Variants in BTBD8 observed in about 807,000 individuals in gnomAD.
BTBD8 encodes the protein BTB domain containing 8, also known as BTB/POZ domain-containing protein 8.
In BTBD8, 110 loss-of-function variants were observed where a neutral mutation model predicts 162.9. The observed-to-expected ratio is 0.68, with a 90% CI of 0.58 to 0.79. BTBD8 has a LOEUF of 0.79. BTBD8 is among the 30% of genes least tolerant of loss of function. The pLI, the probability that BTBD8 is intolerant of heterozygous loss-of-function variation, is 0.00. For missense variants in BTBD8, 1,905 were observed against 2,085.4 expected (o/e 0.91, Z 1.68); for synonymous variants, 667 against 716.1 (o/e 0.93, Z 1.10).
chr1:92,139,376 T>C lies in BTBD8; in HGVS notation c.779T>C (p.Met260Thr), dbSNP rs1389938074. The change falls in exon 6 of 18, where the codon ATG becomes ACG. Residue 260 changes from methionine to threonine, a missense_variant. Physicochemically the swap from Met to Thr is moderately conservative, Grantham distance 81 (BLOSUM62 -1). Coordinates refer to ENST00000636805, the MANE Select transcript of BTBD8 (RefSeq NM_001376131.1). ...QGISHVELNVMMHFIYGGTLD... is the reference protein window; with the variant it reads ...QGISHVELNVTMHFIYGGTLD... ...ATAAGCCATGTAGAACTGAATGTTATGATGCATTTTATATATGGAGGAACT... is the reference window on the plus strand; with the variant it reads ...ATAAGCCATGTAGAACTGAATGTTACGATGCATTTTATATATGGAGGAACT... 3.8e-6 allele frequency: 6 copies of C among 1,592,756 alleles called. No homozygotes were observed. The highest frequency in any genetic ancestry group is 5.1e-6 in the Non-Finnish European group (6 of 1,174,114).
intron 5 of BTBD8, among the ~76,000 whole-genome samples, chr1:92,130,824 T>TC (rs1277115252): frequency 3.3e-5 from 5 of 152,160 alleles, no homozygotes; most frequent in Non-Finnish European, 2.9e-5. Flanking sequence ...TGCCTCAGCC[T>TC]CCTGAGTAGC....
At chr1:92,154,621 T>A (rs1650117893) in intron 9 of BTBD8, among the ~76,000 whole-genome samples, 1 of 152,238 alleles carries the variant, frequency 6.6e-6, no homozygotes, top group Admixed American at 6.5e-5. Context: ...AGCCAATTTT[T>A]AACAGTGTTA....
chr1:92,117,965 T>C (rs1649090506), intron 4 of BTBD8, among the ~76,000 whole-genome samples: 1 of 152,058 alleles, frequency 6.6e-6, no homozygotes. Flanking sequence ...TACTTATGGG[T>C]AGAAGCAGAA....
rs1401341623 is a variant in BTBD8 at position 92,121,581 on chromosome 1, TA to T, written c.663-8105del. On this transcript the variant is annotated intron_variant, in intron 4 of 17. Transcript: ENST00000636805. ...TTTTTTATAGTTAAGTATATTGAGT[TA>T]GAATGCATACACAAACAAATGCACA... Among the ~76,000 whole-genome samples, 11 of 152,316 alleles carry T rather than the reference TA, an allele frequency of 7.2e-5. No individual in the cohort carries two copies. In the South Asian group the frequency reaches 1.2e-3, roughly 17 times the overall value.
At chr1:92,151,000 G>T (rs1650030902) in intron 9 of BTBD8, 1 of 152,156 alleles carries the variant, frequency 6.6e-6, no homozygotes. Flanking sequence ...TAGAAGATAT[G>T]TCAAAATCTA....
intron 4 of BTBD8, chr1:92,126,162 C>A: frequency 2.0e-6 from 1 of 502,982 alleles, no homozygotes; most frequent in South Asian, 1.7e-5. Flanking sequence ...TGAAGATTGG[C>A]AGAAGATTGT....
chr1:92,180,943 C>T lies in BTBD8; in HGVS notation c.3260C>T (p.Thr1087Ile). Residue 1087 changes from threonine (T) to isoleucine (I), a missense_variant, in exon 17 of 18, where the codon ACC becomes ATC. This residue lies in a region of BTBD8 where 1,374 missense variants were observed against 1,442.7 expected (regional missense o/e 0.95). Transcript: ENST00000636805. ...AATGTAAATTCAAAATTTTATAGCA[C>T]CACAGCCCTAAAATACATGGTTTCA... ...SDNVNSKFYS[T>I]TALKYMVSNP... 1 of 1,551,478 alleles carries T rather than the reference C, an allele frequency of 6.4e-7. No individual in the cohort carries two copies. The highest frequency in any genetic ancestry group is 1.2e-5 in the South Asian group (1 of 84,054).
chr1:92,086,443 G>A (rs1255580180), intron 1 of BTBD8, among the ~76,000 whole-genome samples: 1 of 152,058 alleles, frequency 6.6e-6, no homozygotes, highest in Admixed American at 6.6e-5. Flanking sequence ...CCAGCCAGGG[G>A]AACATGGCAA....
intron 5 of BTBD8, among the ~76,000 whole-genome samples, chr1:92,132,875 GGT>G (rs1649545196): frequency 6.6e-6 from 1 of 152,116 alleles, no homozygotes; most frequent in Non-Finnish European, 1.5e-5. Context: ...GATAAAGCAA[GGT>G]TCTGTAACAC....
intron 1 of BTBD8, among the ~76,000 whole-genome samples, chr1:92,081,727 C>T (rs1648020896): frequency 6.6e-6 from 1 of 152,178 alleles, no homozygotes; most frequent in Non-Finnish European, 1.5e-5. Flanking sequence ...GCACGCGCCA[C>T]CACGCCCGGC....
intron 6 of BTBD8, chr1:92,139,681 A>G (rs1570740517): frequency 1.6e-6 from 1 of 642,988 alleles, no homozygotes; most frequent in Non-Finnish European, 2.1e-6. Flanking sequence ...GAAGCTATAA[A>G]TTATGGTTTA....
At chr1:92,084,746 G>A (rs1455440262) in intron 1 of BTBD8, among the ~76,000 whole-genome samples, 2 of 152,050 alleles carry the variant, frequency 1.3e-5, no homozygotes, top group African/African-American at 2.4e-5. Flanking sequence ...CTGGAGCCTG[G>A]TGCCTTCCCT....
Position 92,181,300 on chromosome 1 carries a change from T to C in BTBD8, c.3617T>C (p.Leu1206Pro). ...DVSSKCFSGQ[L>P]SEKNSPKNME... Reference sequence around the variant, plus strand: ...TCTTCCAAGTGTTTTTCGGGACAGCTATCAGAAAAAAATTCTCCTAAAAAT... The same window carrying C: ...TCTTCCAAGTGTTTTTCGGGACAGCCATCAGAAAAAAATTCTCCTAAAAAT... The change falls in exon 17 of 18, where the codon CTA becomes CCA. Residue 1206 changes from leucine to proline, a missense_variant. Coordinates refer to ENST00000636805, the MANE Select transcript of BTBD8 (RefSeq NM_001376131.1). 1 of 1,551,428 alleles carries C rather than the reference T, an allele frequency of 6.4e-7. No homozygotes were observed. The highest frequency in any genetic ancestry group is 8.7e-7 in the Non-Finnish European group (1 of 1,146,938).
At chr1:92,149,223 A>G (rs1400276111) in intron 9 of BTBD8, among the ~76,000 whole-genome samples, 1 of 152,202 alleles carries the variant, frequency 6.6e-6, no homozygotes, top group Non-Finnish European at 1.5e-5. Context: ...TTTTCCTCCT[A>G]CTGTCTCATT....
At chr1:92,161,565 A>T (rs1650274039) in intron 9 of BTBD8, among the ~76,000 whole-genome samples, 1 of 152,242 alleles carries the variant, frequency 6.6e-6, no homozygotes, top group Admixed American at 6.5e-5. Flanking sequence ...ATAGGATAGT[A>T]TTAGATAGTT....
intron 3 of BTBD8, among the ~76,000 whole-genome samples, chr1:92,105,275 T>TG: frequency 6.7e-6 from 1 of 150,318 alleles, no homozygotes; most frequent in African/African-American, 2.5e-5. Context: ...TTTAATGAGA[T>TG]GGGGTCTCAC....
At chr1:92,172,444 G>T (rs1387124280) in intron 13 of BTBD8, among the ~76,000 whole-genome samples, 1 of 151,932 alleles carries the variant, frequency 6.6e-6, no homozygotes, top group Non-Finnish European at 1.5e-5. Context: ...TTTGTGTGTT[G>T]TTTGTTTGTT....
chr1:92,139,512 G>A lies in BTBD8; in HGVS notation c.833+82G>A, dbSNP rs1234433943. ...AGCTGTGTTGCAAAGTGTTAATGAA[G>A]TAGAAACTTTGCTTTTTATAGTCTA... On this transcript the variant is annotated intron_variant, in intron 6 of 17. Coordinates refer to ENST00000636805, the MANE Select transcript of BTBD8 (RefSeq NM_001376131.1). 6 of 1,516,996 alleles carry A rather than the reference G, an allele frequency of 4.0e-6. No individual in the cohort carries two copies. The East Asian group carries it at 7.3e-5, about 19-fold the overall frequency. 94.0% of individuals were successfully genotyped at this position (1,516,996 alleles called of 1,614,324 possible).
At chr1:92,129,998 G>A (rs561826777) in intron 5 of BTBD8, among the ~76,000 whole-genome samples, 5 of 152,164 alleles carry the variant, frequency 3.3e-5, no homozygotes, top group African/African-American at 1.2e-4. Context: ...ATCCAAACTG[G>A]GTGATTTAAA....
Sources: allele counts gnomAD v4.1 joint callset (sites outside exome capture counted in the v4.1 genomes callset), GRCh38; gene constraint gnomAD v4.1.1; regional missense constraint gnomAD v4.1.1; transcripts MANE v1.5; gene names NCBI Gene and HGNC (gene_info 2026-07-23, HGNC 2026-07-21).